The following LSAMP variants were observed in gnomAD, a reference collection of about 807,000 sequenced individuals.
LSAMP encodes the protein limbic system associated membrane protein, also known as limbic system-associated membrane protein.
LSAMP carries 7 observed loss-of-function variants against 38.6 expected under a neutral mutation model. The ratio of observed to expected loss-of-function variants is 0.18; its 90% CI spans 0.10 to 0.34. LSAMP has a LOEUF of 0.34. Ranked by LOEUF, LSAMP falls within the 10% of genes least tolerant of loss-of-function variation. The probability of loss-of-function intolerance (pLI) is 1.00; values close to 1 mark genes in which losing one functional copy is unlikely to be tolerated. For synonymous variants in LSAMP, 154 were observed against 166.8 expected (o/e 0.92, Z 0.59); for missense variants, 313 against 420.0 (o/e 0.75, Z 2.23).
intron 6 of LSAMP, chr3:115,838,211 C>T (rs1452483110): frequency 6.6e-6 from 1 of 152,230 alleles, no homozygotes; most frequent in African/African-American, 2.4e-5. Flanking sequence ...AAACATTTAG[C>T]ATAGTACATA....
intron 1 of LSAMP, among the ~76,000 whole-genome samples, chr3:116,248,717 C>T (rs1184188271): frequency 2.0e-5 from 3 of 152,024 alleles, no homozygotes; most frequent in South Asian, 2.1e-4. Context: ...TTCCTTCCCC[C>T]GACTCACTGA....
chr3:115,902,286 T>C (rs1936894939), intron 3 of LSAMP, among the ~76,000 whole-genome samples: 1 of 152,020 alleles, frequency 6.6e-6, no homozygotes, highest in African/African-American at 2.4e-5. Flanking sequence ...ATAATAAAGA[T>C]AAGTGCCCAT....
At chr3:116,110,017 A>G (rs1300992631) in intron 1 of LSAMP, among the ~76,000 whole-genome samples, 1 of 151,224 alleles carries the variant, frequency 6.6e-6, no homozygotes, top group Non-Finnish European at 1.5e-5. Flanking sequence ...TGAGGAAATA[A>G]GGGATTGGGG....
chr3:116,429,058 C>T (rs775812508), intron 1 of LSAMP, among the ~76,000 whole-genome samples: 4 of 152,110 alleles, frequency 2.6e-5, no homozygotes, highest in Non-Finnish European at 5.9e-5. Flanking sequence ...AAACTGTTAC[C>T]CAAAATGCTA....
At chr3:115,899,400 G>A (rs746948023) in intron 3 of LSAMP, among the ~76,000 whole-genome samples, 1 of 152,096 alleles carries the variant, frequency 6.6e-6, no homozygotes, top group Non-Finnish European at 1.5e-5. Flanking sequence ...TTGGAAAGAT[G>A]AGGCAGTGCA....
intron 1 of LSAMP, among the ~76,000 whole-genome samples, chr3:116,253,290 C>T (rs1399547004): frequency 6.6e-6 from 1 of 152,136 alleles, no homozygotes; most frequent in Admixed American, 6.5e-5. Flanking sequence ...TCAGTTGTCA[C>T]CCATGGAACT....
intron 6 of LSAMP, among the ~76,000 whole-genome samples, chr3:115,814,888 T>C (rs1933962809): frequency 6.6e-6 from 1 of 152,196 alleles, no homozygotes; most frequent in Admixed American, 6.5e-5. Context: ...TCCCGTAGCA[T>C]CTAGCCCAGC....
At chr3:116,277,586 T>A (rs2047073147) in intron 1 of LSAMP, among the ~76,000 whole-genome samples, 1 of 152,154 alleles carries the variant, frequency 6.6e-6, no homozygotes, top group South Asian at 2.1e-4. Flanking sequence ...TTAGCCAGAA[T>A]GGTCTGGATC....
intron 2 of LSAMP, among the ~76,000 whole-genome samples, chr3:116,042,366 G>A (rs1321740454): frequency 6.6e-6 from 1 of 151,094 alleles, no homozygotes; most frequent in Admixed American, 6.6e-5. Flanking sequence ...TCCTACATCT[G>A]TTCTGTTCTA....
At chr3:116,333,862 C>T (rs2107744534) in intron 1 of LSAMP, among the ~76,000 whole-genome samples, 1 of 150,328 alleles carries the variant, frequency 6.7e-6, no homozygotes, top group East Asian at 2.0e-4. Context: ...AAATTAAATC[C>T]AAAGCTAGAA....
intron 3 of LSAMP, among the ~76,000 whole-genome samples, chr3:115,989,605 CTG>C (rs1939610347): frequency 6.6e-6 from 1 of 152,006 alleles, no homozygotes; most frequent in African/African-American, 2.4e-5. Context: ...ATGCTTGACT[CTG>C]TGTTAGACTT....
chr3:115,806,031 T>C lies in LSAMP; in HGVS notation c.*4286A>G, dbSNP rs1008233673. The C allele has an allele frequency of 6.6e-6, 1 of 152,170 alleles. No homozygotes were observed. The highest frequency in any genetic ancestry group is 1.5e-5 in the Non-Finnish European group (1 of 68,034). The allele number at this position is 152,170 out of a possible 1,614,324, so 9.4% of individuals were successfully genotyped here. The stretch of plus-strand genomic sequence containing the variant: ...AGATATAGCACTGTACTTACATTTC[T>C]CTTAAAAAATGATATTGGTAACCAA... On this transcript the variant is annotated 3_prime_UTR_variant, in exon 7 of 7. Coordinates refer to ENST00000490035, the MANE Select transcript of LSAMP (RefSeq NM_002338.5).
chr3:116,357,465 G>C (rs2048240869), intron 1 of LSAMP, among the ~76,000 whole-genome samples: 1 of 152,088 alleles, frequency 6.6e-6, no homozygotes, highest in South Asian at 2.1e-4. Context: ...TTATTCCAAA[G>C]CATGTACAGA....
At chr3:116,041,509 A>T (rs970922518) in intron 2 of LSAMP, among the ~76,000 whole-genome samples, 3 of 151,712 alleles carry the variant, frequency 2.0e-5, no homozygotes, top group Admixed American at 6.6e-5. Context: ...AAATGATTGA[A>T]CTGAGTGTCC....
chr3:116,214,292 G>C (rs2046195022), intron 1 of LSAMP, among the ~76,000 whole-genome samples: 1 of 152,038 alleles, frequency 6.6e-6, no homozygotes, highest in African/African-American at 2.4e-5. Flanking sequence ...ATTAAGCTCA[G>C]CGCTGTAGGT....
intron 1 of LSAMP, among the ~76,000 whole-genome samples, chr3:116,357,085 G>A (rs962458387): frequency 3.3e-5 from 5 of 152,136 alleles, no homozygotes; most frequent in East Asian, 1.9e-4. Context: ...GAGCCATCGC[G>A]CCCGGCTAGG....
chr3:116,190,098 C>CACACACAA (rs1710719228), intron 1 of LSAMP, among the ~76,000 whole-genome samples: 1 of 147,624 alleles, frequency 6.8e-6, no homozygotes, highest in South Asian at 2.1e-4. Flanking sequence ...GACACACACA[C>CACACACAA]ACACACACAC....
chr3:116,400,905 G>A (rs1191427041), intron 1 of LSAMP, among the ~76,000 whole-genome samples: 1 of 152,130 alleles, frequency 6.6e-6, no homozygotes, highest in Non-Finnish European at 1.5e-5. Context: ...TGGTTGTACT[G>A]CTATTGTGAC....
At chr3:115,881,209 G>T (rs1175306600) in intron 3 of LSAMP, among the ~76,000 whole-genome samples, 2 of 152,024 alleles carry the variant, frequency 1.3e-5, no homozygotes, top group Admixed American at 6.6e-5. Context: ...TGCCGCTAAG[G>T]GTGGCATGTG....
Sources: gnomAD v4.1 joint callset for allele counts (sites outside exome capture counted in the v4.1 genomes callset) on GRCh38, gnomAD v4.1.1 for gene constraint, MANE v1.5 for transcripts, NCBI Gene and HGNC (gene_info 2026-07-23, HGNC 2026-07-21) for gene names.